ADK: variants seen among roughly 807,000 people sequenced by gnomAD.
ADK encodes adenosine kinase.
A neutral mutation model predicts 44.7 loss-of-function variants in ADK; 24 were observed. That is an observed-to-expected ratio of 0.54 (90% confidence interval 0.39 to 0.76). ADK has a LOEUF of 0.76. ADK is among the 30% of genes least tolerant of loss of function. The probability of loss-of-function intolerance (pLI) is 0.00; values close to 1 mark genes in which losing one functional copy is unlikely to be tolerated. For missense variants in ADK, 321 were observed against 425.1 expected, an observed-to-expected ratio of 0.76 and a Z score of 2.15; for synonymous variants, 128 against 142.6, an observed-to-expected ratio of 0.90 and a Z score of 0.73.
At chr10:74,537,094 C>A (rs949997343) in intron 7 of ADK, among the ~76,000 whole-genome samples, 9 of 152,192 alleles carry the variant, frequency 5.9e-5, no homozygotes, top group Admixed American at 4.6e-4. Flanking sequence ...AATTTCTCCA[C>A]CTCCTCACCA....
intron 7 of ADK, among the ~76,000 whole-genome samples, chr10:74,583,763 G>C (rs1318307270): frequency 6.6e-6 from 1 of 152,164 alleles, no homozygotes; most frequent in Non-Finnish European, 1.5e-5. Context: ...TAAAATGTGG[G>C]ATAGGGAATC....
At chr10:74,504,093 C>T (rs1407501438) in intron 6 of ADK, among the ~76,000 whole-genome samples, 2 of 152,152 alleles carry the variant, frequency 1.3e-5, no homozygotes, top group African/African-American at 2.4e-5. Flanking sequence ...GCCACAGTTC[C>T]GAAACTGTGC....
In ADK at chr10:74,579,258, A is replaced by C. The variant is rs568719723; in HGVS notation, c.727-10024A>C. ...TAAAAAAAAAAAAAAAGTGAAGAAC[A>C]AGGTAAGACACATTTAATATATCTG... On this transcript the variant is annotated intron_variant, in intron 7 of 10. Coordinates refer to ENST00000539909, the MANE Select transcript of ADK (RefSeq NM_006721.4). Among the ~76,000 whole-genome samples, 20 of 152,186 alleles carry C rather than the reference A, an allele frequency of 1.3e-4. No homozygotes were observed. The East Asian group carries it at 1.7e-3, about 13-fold the overall frequency.
rs16931430 is a variant in ADK, at chr10:74,416,201, G to C, written c.555+17622G>C. Among the ~76,000 whole-genome samples, 742 of 151,946 alleles carry C rather than the reference G, an allele frequency of 4.9e-3. 4 individuals carry two copies. Among genetic ancestry groups the C allele is most frequent in the African/African-American group, 0.017 (698 of 41,480 alleles). ...GGTAAATTGGTATGAAAAAATGAGA[G>C]GACAACGTTTTTCCTTTCTGGTACT... On this transcript the variant is annotated intron_variant, in intron 6 of 10. Coordinates refer to ENST00000539909, the MANE Select transcript of ADK (RefSeq NM_006721.4).
intron 9 of ADK, among the ~76,000 whole-genome samples, chr10:74,634,780 A>C (rs1254004418): frequency 6.6e-6 from 1 of 152,050 alleles, no homozygotes; most frequent in Non-Finnish European, 1.5e-5. Flanking sequence ...CCCCGTCTCT[A>C]CTAAAAATAC....
At chr10:74,651,487 C>T (rs1269187086) in intron 9 of ADK, among the ~76,000 whole-genome samples, 1 of 152,174 alleles carries the variant, frequency 6.6e-6, no homozygotes, top group Non-Finnish European at 1.5e-5. Flanking sequence ...TATGCAGCTA[C>T]ATTTTTGAAC....
intron 7 of ADK, among the ~76,000 whole-genome samples, chr10:74,562,209 TG>T (rs1478121581): frequency 6.6e-6 from 1 of 152,228 alleles, no homozygotes; most frequent in Non-Finnish European, 1.5e-5. Flanking sequence ...ACATTAGTCA[TG>T]TTTTTTTCTT....
intron 2 of ADK, among the ~76,000 whole-genome samples, chr10:74,219,334 A>G (rs1441183506): frequency 6.6e-6 from 1 of 152,140 alleles, no homozygotes; most frequent in East Asian, 1.9e-4. Flanking sequence ...CTAAATATAT[A>G]TGCACCCAAT....
At chr10:74,609,588 A>G (rs993873269) in intron 9 of ADK, among the ~76,000 whole-genome samples, 6 of 152,000 alleles carry the variant, frequency 3.9e-5, no homozygotes, top group African/African-American at 7.2e-5. Context: ...ATCAGTCCCA[A>G]TGAGATGAGC....
chr10:74,403,135 G>C (rs552457840), intron 6 of ADK, among the ~76,000 whole-genome samples: 1 of 152,146 alleles, frequency 6.6e-6, no homozygotes. Flanking sequence ...CCAGTTGTAT[G>C]AGGTGTCTGT....
intron 3 of ADK, among the ~76,000 whole-genome samples, chr10:74,302,109 GTTTTTTTTTTTTTTTTTT>G (rs1172807289): frequency 1.2e-3 from 15 of 13,032 alleles, no homozygotes; most frequent in African/African-American, 2.8e-3. Flanking sequence ...TTGTTTGTTT[GTTTTTTTTTTTTTTTTTT>G]TTTTTTTTTT....
intron 10 of ADK, among the ~76,000 whole-genome samples, chr10:74,702,497 A>T (rs1361558925): frequency 1.6e-5 from 2 of 124,436 alleles, no homozygotes; most frequent in Non-Finnish European, 1.7e-5. Flanking sequence ...TGATTTGAGG[A>T]TTTGCTCAGT....
chr10:74,374,524 C>T (rs183625356), intron 4 of ADK, among the ~76,000 whole-genome samples: 4 of 152,074 alleles, frequency 2.6e-5, no homozygotes, highest in East Asian at 1.9e-4. Context: ...GAGTTTTACA[C>T]GATCATAATT....
intron 4 of ADK, among the ~76,000 whole-genome samples, chr10:74,318,806 T>C (rs919639579): frequency 3.9e-5 from 6 of 152,258 alleles, no homozygotes; most frequent in African/African-American, 1.2e-4. Flanking sequence ...GATAGATGGA[T>C]ATTTTTATAG....
chr10:74,180,585 A>G (rs1842512192), intron 1 of ADK, among the ~76,000 whole-genome samples: 1 of 149,130 alleles, frequency 6.7e-6, no homozygotes, highest in South Asian at 2.1e-4. Context: ...CAGCCTCTCT[A>G]GTAGCTGGGA....
intron 4 of ADK, among the ~76,000 whole-genome samples, chr10:74,376,117 G>C (rs549697033): frequency 6.6e-6 from 1 of 151,764 alleles, no homozygotes; most frequent in East Asian, 1.9e-4. Context: ...CTGTTGATCT[G>C]TATATTAGTA....
intron 3 of ADK, among the ~76,000 whole-genome samples, chr10:74,256,521 T>A (rs1490987233): frequency 6.6e-6 from 1 of 152,158 alleles, no homozygotes; most frequent in Admixed American, 6.6e-5. Flanking sequence ...AGGGTAAACT[T>A]TCTCAGATAA....
At chr10:74,370,798 T>G (rs1842633881) in intron 4 of ADK, among the ~76,000 whole-genome samples, 1 of 152,096 alleles carries the variant, frequency 6.6e-6, no homozygotes, top group Admixed American at 6.6e-5. Flanking sequence ...GGTCTTGAAC[T>G]CCTGGGCTCA....
intron 6 of ADK, among the ~76,000 whole-genome samples, chr10:74,494,766 G>A (rs1227167629): frequency 6.6e-6 from 1 of 152,004 alleles, no homozygotes; most frequent in Non-Finnish European, 1.5e-5. Flanking sequence ...GGGCTCAAGC[G>A]ATTCTCCTGC....
Sources: gnomAD v4.1 joint callset for allele counts (sites outside exome capture counted in the v4.1 genomes callset) on GRCh38, gnomAD v4.1.1 for gene constraint, MANE v1.5 for transcripts, NCBI Gene and HGNC (gene_info 2026-07-23, HGNC 2026-07-21) for gene names.